Variants in HIP1 observed in about 807,000 individuals in gnomAD.
HIP1 encodes the protein huntingtin interacting protein 1.
Under a neutral mutation model 147.6 loss-of-function variants are expected in HIP1, and 65 were observed. The ratio of observed to expected loss-of-function variants is 0.44; its 90% confidence interval spans 0.36 to 0.54. HIP1 has a LOEUF of 0.54. Among genes scored for constraint, HIP1 ranks in the 20% least tolerant of loss-of-function variants. The probability of loss-of-function intolerance (pLI) is 0.00; values close to 1 mark genes in which losing one functional copy is unlikely to be tolerated. For synonymous variants in HIP1, 479 were observed against 504.0 expected (o/e 0.95, Z 0.67); for missense variants, 1,061 against 1,299.6 (o/e 0.82, Z 2.82).
At chr7:75,563,366 G>A in intron 9 of HIP1, 103 bp from the exon 10 acceptor site, 1 of 920,130 alleles carries the variant, frequency 1.1e-6, no homozygotes, top group South Asian at 1.4e-5. Context: ...CAGCCCAAAG[G>A]CACAGGCTGT....
chr7:75,547,245 T>C (rs1213810663), intron 24 of HIP1, among the ~76,000 whole-genome samples: 2 of 152,090 alleles, frequency 1.3e-5, no homozygotes, highest in Non-Finnish European at 2.9e-5. Context: ...TCGTAAGGAA[T>C]AGTGAAATTG....
chr7:75,624,173 C>T lies in HIP1; in HGVS notation c.121-24926G>A, dbSNP rs587762038. Among the ~76,000 whole-genome samples, 9 of 152,306 alleles carry T rather than the reference C, an allele frequency of 5.9e-5. No homozygotes were observed. The South Asian group carries it at 1.7e-3, about 28-fold the overall frequency. ...GGAGTGAGCGGTGAGGCTGTGGTTA[C>T]ACTCTGGAGGCCACGGAATCAGGCA... On this transcript the variant is annotated intron_variant, in intron 1 of 30. Transcript: ENST00000336926.
intron 1 of HIP1, among the ~76,000 whole-genome samples, chr7:75,664,117 T>C (rs1192384250): frequency 1.5e-5 from 2 of 136,286 alleles, no homozygotes; most frequent in Non-Finnish European, 3.2e-5. Flanking sequence ...CATGTATGCA[T>C]ATATGCACAC....
At chr7:75,543,988 C>T (rs1022297063) in intron 27 of HIP1, among the ~76,000 whole-genome samples, 11 of 151,964 alleles carry the variant, frequency 7.2e-5, no homozygotes, top group African/African-American at 1.9e-4. Context: ...CTGGCTAACG[C>T]GGTGAAACCC....
In HIP1 at chr7:75,533,881, T is replaced by C; in HGVS notation, c.*4291A>G. 1 of 234,724 alleles carries C rather than the reference T, an allele frequency of 4.3e-6. No homozygotes were observed. The highest frequency in any genetic ancestry group is 8.4e-6 in the Non-Finnish European group (1 of 118,926). The allele number at this position is 234,724 out of a possible 1,614,324, so 14.5% of individuals were successfully genotyped here. On this transcript the variant is annotated 3_prime_UTR_variant, in exon 31 of 31. Transcript: ENST00000336926. ...GCAGGTCCGTGGTGGTGGTTTTCTATGCTACAGGTGGTGCAGTCTCTGGAG... is the reference window on the plus strand; with the variant it reads ...GCAGGTCCGTGGTGGTGGTTTTCTACGCTACAGGTGGTGCAGTCTCTGGAG...
At chr7:75,664,808 T>G (rs62475507) in intron 1 of HIP1, among the ~76,000 whole-genome samples, 13,099 of 152,026 alleles carry the variant, frequency 0.086, 698 homozygotes, top group South Asian at 0.12. Flanking sequence ...TTTAGTAGGG[T>G]TGGGATTTCA....
chr7:75,632,561 C>CT lies in HIP1; in HGVS notation c.121-33315dup, dbSNP rs58364410. Among the ~76,000 whole-genome samples the CT allele has an allele frequency of 1.8e-3, 239 of 134,280 alleles. 1 individual carries two copies. The highest frequency in any genetic ancestry group is 3.6e-3 in the East Asian group (17 of 4,706). The allele number at this position is 134,280 out of a possible 152,430, so 88.1% of individuals were successfully genotyped here. On this transcript the variant is annotated intron_variant, in intron 1 of 30. Coordinates refer to ENST00000336926, the MANE Select transcript of HIP1 (RefSeq NM_005338.7). ...CACCACCATGCCTGGCTAATTTTTT[C>CT]TTTTTTTTTTTTTTTTTGTAGAGAC...
chr7:75,619,069 G>A (rs587773047), intron 1 of HIP1, among the ~76,000 whole-genome samples: 12 of 152,202 alleles, frequency 7.9e-5, no homozygotes, highest in African/African-American at 2.9e-4. Flanking sequence ...GATATCATCT[G>A]AGAATCCTGT....
intron 8 of HIP1, among the ~76,000 whole-genome samples, chr7:75,573,051 G>C (rs868911708): frequency 1.5e-4 from 23 of 152,336 alleles, no homozygotes; most frequent in African/African-American, 4.6e-4. Context: ...GCGGGTCCCC[G>C]GTGGGGGCCG....
At chr7:75,574,475 G>C (rs1176777587) in intron 7 of HIP1, among the ~76,000 whole-genome samples, 5 of 151,614 alleles carry the variant, frequency 3.3e-5, no homozygotes, top group African/African-American at 1.2e-4. Context: ...TGTAATCCCA[G>C]CTACTCGGGA....
intron 7 of HIP1, 131 bp downstream of exon 7, chr7:75,581,106 A>G (rs782192998): frequency 8.9e-6 from 6 of 677,596 alleles, no homozygotes; most frequent in Non-Finnish European, 1.6e-5. Context: ...CGAGGGTTGG[A>G]GAGACCAGAG....
intron 1 of HIP1, among the ~76,000 whole-genome samples, chr7:75,720,749 C>T (rs1225143240): frequency 1.3e-5 from 2 of 152,090 alleles, no homozygotes; most frequent in African/African-American, 2.4e-5. Context: ...ATAGCAAAAC[C>T]TCATCTCAGC....
intron 7 of HIP1, among the ~76,000 whole-genome samples, chr7:75,578,737 C>CTTTTG (rs1563216772): frequency 6.6e-6 from 1 of 152,122 alleles, no homozygotes. Flanking sequence ...TATCCACATA[C>CTTTTG]GTTGTTCCCA....
At chr7:75,617,469 G>A (rs1019038030) in intron 1 of HIP1, among the ~76,000 whole-genome samples, 2 of 152,054 alleles carry the variant, frequency 1.3e-5, no homozygotes, top group South Asian at 2.1e-4. Flanking sequence ...CTCCTGCAGC[G>A]GCCTCCCAAA....
intron 1 of HIP1, among the ~76,000 whole-genome samples, chr7:75,632,997 G>C (rs587627005): frequency 5.9e-5 from 9 of 152,212 alleles, no homozygotes; most frequent in African/African-American, 2.2e-4. Flanking sequence ...TGCACACTGG[G>C]GTCTGTCAGA....
At chr7:75,688,575 C>T (rs1014597289) in intron 1 of HIP1, among the ~76,000 whole-genome samples, 8 of 151,962 alleles carry the variant, frequency 5.3e-5, no homozygotes, top group East Asian at 1.9e-4. Flanking sequence ...ACCTGTCAGG[C>T]CCCCCACGCA....
chr7:75,660,880 A>G (rs959003941), intron 1 of HIP1, among the ~76,000 whole-genome samples: 14 of 152,090 alleles, frequency 9.2e-5, no homozygotes, highest in Non-Finnish European at 2.9e-5. Context: ...ATTATTATAG[A>G]TAATGGGGAA....
At chr7:75,685,859 C>G (rs1376358789) in intron 1 of HIP1, among the ~76,000 whole-genome samples, 3 of 149,238 alleles carry the variant, frequency 2.0e-5, no homozygotes, top group East Asian at 4.1e-4. Context: ...TGTCAGTTTT[C>G]TCTACCACAA....
chr7:75,633,112 T>G (rs1013832336), intron 1 of HIP1, among the ~76,000 whole-genome samples: 3 of 152,026 alleles, frequency 2.0e-5, no homozygotes, highest in African/African-American at 7.2e-5. Context: ...CGTGTTTACC[T>G]ATGTCACAGA....
Sources: allele counts gnomAD v4.1 joint callset (sites outside exome capture counted in the v4.1 genomes callset), GRCh38; gene constraint gnomAD v4.1.1; transcripts MANE v1.5; gene names NCBI Gene and HGNC (gene_info 2026-07-23, HGNC 2026-07-21).